The following ACOX2 variants were observed in gnomAD, a reference collection of about 807,000 sequenced individuals.
ACOX2 encodes the protein peroxisomal acyl-coenzyme A oxidase 2.
Under a neutral mutation model 77.5 loss-of-function variants are expected in ACOX2, and 59 were observed. The observed-to-expected ratio is 0.76, with a 90% CI of 0.62 to 0.95. The LOEUF (loss-of-function observed/expected upper bound fraction) is 0.95, where lower values mean the gene tolerates loss of function less well. Among genes scored for constraint, ACOX2 ranks in the 40% least tolerant of loss-of-function variants. The pLI, the probability that ACOX2 is intolerant of heterozygous loss-of-function variation, is 0.00. For missense variants in ACOX2, 837 were observed against 880.4 expected (o/e 0.95, Z 0.62); for synonymous variants, 317 against 340.1 (o/e 0.93, Z 0.75).
Position 58,534,490 on chromosome 3 carries a change from A to T in ACOX2, c.193T>A (p.Cys65Ser). The T allele has an allele frequency of 6.2e-7, 1 of 1,614,190 alleles. No individual in the cohort carries two copies. Among genetic ancestry groups the T allele is most frequent in the Non-Finnish European group, 8.5e-7 (1 of 1,180,040 alleles). The change falls in exon 3 of 15, where the codon TGT (cysteine) becomes AGT (serine). Residue 65 changes from cysteine (C) to serine (S), a missense_variant. By Grantham distance (112) the Cys-to-Ser change is moderately radical. Coordinates refer to ENST00000302819, the MANE Select transcript of ACOX2 (RefSeq NM_003500.4). This position sits in a 1 kb window ranked among gnomAD's most constrained non-coding sequence, Gnocchi z 4.8. ...SIIHSYPEFS[C>S]KDNYFMTQNE... ...TGGGTCATGAAATAATTGTCCTTAC[A>T]GCTAAACTCCGGGTAACTGTGGATG...
chr3:58,530,323 T>G, intron 8 of ACOX2, 143 bp downstream of exon 8: 1 of 1,229,704 alleles, frequency 8.1e-7, no homozygotes, highest in Non-Finnish European at 1.1e-6. Context: ...CTGGGTAGAT[T>G]TTGTGTTTGT....
At chr3:58,520,171 A>G (rs1452887421) in intron 12 of ACOX2, among the ~76,000 whole-genome samples, 1 of 152,216 alleles carries the variant, frequency 6.6e-6, no homozygotes, top group Non-Finnish European at 1.5e-5. Flanking sequence ...AGTTTTACTT[A>G]TTTAATCTTT....
In ACOX2 at chr3:58,512,575, A is replaced by G. The variant is rs1343481619; in HGVS notation, c.1851-3550T>C. On this transcript the variant is annotated intron_variant, in intron 13 of 14. Coordinates refer to ENST00000302819, the MANE Select transcript of ACOX2 (RefSeq NM_003500.4). The surrounding 1 kb of genome is among the most constrained non-coding windows in gnomAD (Gnocchi z 4.8). ...ACCGTCTCTTCCCACCCCCTACTGT[A>G]CTCCCTTAACTCTCTGCCCTCTGCC... Among the ~76,000 whole-genome samples the G allele has an allele frequency of 1.3e-5, 2 of 151,332 alleles. No individual in the cohort carries two copies. The highest frequency in any genetic ancestry group is 2.9e-5 in the Non-Finnish European group (2 of 67,890).
chr3:58,534,893 A>C lies in ACOX2; in HGVS notation c.160+54T>G, dbSNP rs879227377. Reference sequence around the variant, plus strand: ...GAACTGCTAATGAAGGACTCTTCTTACAAGAGAAGCATGGGGCATAAAACA... The same window carrying C: ...GAACTGCTAATGAAGGACTCTTCTTCCAAGAGAAGCATGGGGCATAAAACA... On this transcript the variant is annotated intron_variant, in intron 2 of 14. Coordinates refer to ENST00000302819, the MANE Select transcript of ACOX2 (RefSeq NM_003500.4). This position sits in a 1 kb window ranked among gnomAD's most constrained non-coding sequence, Gnocchi z 4.8. 10 of 1,609,294 alleles carry C rather than the reference A, an allele frequency of 6.2e-6. No individual in the cohort carries two copies. The African/African-American group carries it at 1.2e-4, about 19-fold the overall frequency.
At chr3:58,509,711 T>C (rs1470238753) in intron 13 of ACOX2, among the ~76,000 whole-genome samples, 1 of 145,236 alleles carries the variant, frequency 6.9e-6, no homozygotes, top group Non-Finnish European at 1.5e-5. Flanking sequence ...GCTCAAGCCA[T>C]TCTCCTGCCT....
At position 58,526,618 on chromosome 3, in the gene ACOX2, T is replaced by G; in HGVS notation, c.1194A>C (p.Ser398=). 1 of 1,614,188 alleles carries G rather than the reference T, an allele frequency of 6.2e-7. No homozygotes were observed. Among genetic ancestry groups the G allele is most frequent in the Non-Finnish European group, 8.5e-7 (1 of 1,180,024 alleles). Residue 398 remains serine, a synonymous_variant, in exon 10 of 15, where the codon TCA becomes TCC. Transcript: ENST00000302819. This position sits in a 1 kb window ranked among gnomAD's most constrained non-coding sequence, Gnocchi z 4.3. ...ALSTGMKAMM[S]EFCTQGAEMC... ...TCTCAGCTCCCTGGGTGCAGAATTCTGACATCATGGCCTTCATGCCCGTGC... is the reference window on the plus strand; with the variant it reads ...TCTCAGCTCCCTGGGTGCAGAATTCGGACATCATGGCCTTCATGCCCGTGC...
chr3:58,508,266 A>C (rs1238866396), intron 14 of ACOX2, among the ~76,000 whole-genome samples: 2 of 152,038 alleles, frequency 1.3e-5, no homozygotes, highest in Non-Finnish European at 2.9e-5. Context: ...AATGATGTAG[A>C]GTTCTGGTGT....
chr3:58,535,096 G>A lies in ACOX2; in HGVS notation c.11C>T (p.Pro4Leu), dbSNP rs763927047. MGSPVHRVSLGDTW... is the reference protein window; with the variant it reads MGSLVHRVSLGDTW... ...ATCCCCCAATGACACTCGGTGCACT[G>A]GGCTGCCCATCCTATCCTGGATCTG... Residue 4 changes from proline (P) to leucine (L), a missense_variant, in exon 2 of 15, where the codon CCA (proline) becomes CTA (leucine). Physicochemically the swap from Pro to Leu is moderately conservative, Grantham distance 98. Coordinates refer to ENST00000302819, the MANE Select transcript of ACOX2 (RefSeq NM_003500.4). This position sits in a 1 kb window ranked among gnomAD's most constrained non-coding sequence, Gnocchi z 4.8. 5 of 1,614,196 alleles carry A rather than the reference G, an allele frequency of 3.1e-6. No homozygotes were observed. Among genetic ancestry groups the A allele is most frequent in the Admixed American group, 1.7e-5 (1 of 60,030 alleles).
At chr3:58,518,552 G>GAA (rs1018226279) in intron 12 of ACOX2, among the ~76,000 whole-genome samples, 1 of 152,210 alleles carries the variant, frequency 6.6e-6, no homozygotes, top group African/African-American at 2.4e-5. Context: ...GTCAAGACAA[G>GAA]CACACACAAT....
chr3:58,521,266 C>A lies in ACOX2; in HGVS notation c.1632+1230G>T, dbSNP rs952598213. On this transcript the variant is annotated intron_variant, in intron 12 of 14. Transcript: ENST00000302819. This position sits in a 1 kb window ranked among gnomAD's most constrained non-coding sequence, Gnocchi z 4.8. Reference sequence around the variant, plus strand: ...TCACGTGGTGGTGCTCAACGTCCAGCCTGCCTGACCAGCCCTGTCCCACGA... The same window carrying A: ...TCACGTGGTGGTGCTCAACGTCCAGACTGCCTGACCAGCCCTGTCCCACGA... Among the ~76,000 whole-genome samples, 2 of 152,180 alleles carry A rather than the reference C, an allele frequency of 1.3e-5. No individual in the cohort carries two copies. The highest frequency in any genetic ancestry group is 3.9e-4 in the East Asian group (2 of 5,178).
chr3:58,532,821 A>G (rs771934227), intron 5 of ACOX2, among the ~76,000 whole-genome samples: 6 of 152,194 alleles, frequency 3.9e-5, no homozygotes, highest in African/African-American at 1.4e-4. Flanking sequence ...TGGGTCCCCA[A>G]GTGCCACAGA....
intron 1 of ACOX2, among the ~76,000 whole-genome samples, 166 bp downstream of exon 1, chr3:58,536,953 C>T (rs2063486133): frequency 1.3e-5 from 2 of 152,238 alleles, no homozygotes; most frequent in African/African-American, 4.8e-5. Flanking sequence ...ATCTTTGTCA[C>T]TGTCATGCCG....
At chr3:58,530,290 T>C (rs1363815801) in intron 8 of ACOX2, among the ~76,000 whole-genome samples, 176 bp downstream of exon 8, 1 of 152,190 alleles carries the variant, frequency 6.6e-6, no homozygotes, top group Non-Finnish European at 1.5e-5. Flanking sequence ...GAGACTCCTC[T>C]GACATGCCCA....
In ACOX2 at chr3:58,528,665, T is replaced by A. The variant is rs1309128369; in HGVS notation, c.1155+129A>T. ...TGCCGTTCACCCAGACGCCCTGGGATGCTGAAAGCTGGGAGAGGTGGGGGT... is the reference window on the plus strand; with the variant it reads ...TGCCGTTCACCCAGACGCCCTGGGAAGCTGAAAGCTGGGAGAGGTGGGGGT... On this transcript the variant is annotated intron_variant, in intron 9 of 14. Coordinates refer to ENST00000302819, the MANE Select transcript of ACOX2 (RefSeq NM_003500.4). The surrounding 1 kb of genome is among the most constrained non-coding windows in gnomAD (Gnocchi z 5.6). 1.5e-5 allele frequency: 18 copies of A among 1,227,136 alleles called. No individual in the cohort carries two copies. The allele number at this position is 1,227,136 out of a possible 1,614,324, so 76.0% of individuals were successfully genotyped here. A position where few individuals can be genotyped will look rare whatever the true frequency, so the allele number is the denominator to read the frequency against.
intron 12 of ACOX2, among the ~76,000 whole-genome samples, chr3:58,520,268 A>G (rs949545462): frequency 2.6e-5 from 4 of 152,090 alleles, no homozygotes; most frequent in African/African-American, 9.7e-5. Flanking sequence ...TTTTTTGCCC[A>G]AGGTCATGGC....
intron 12 of ACOX2, among the ~76,000 whole-genome samples, chr3:58,518,021 G>A (rs9883049): frequency 0.36 from 50,426 of 138,832 alleles, 9,098 homozygotes; most frequent in African/African-American, 0.49. Flanking sequence ...GTTGCAGTGA[G>A]CCAAAATCAT....
rs2063307148 is a variant in ACOX2, at chr3:58,514,306, T to G, written c.1850+2900A>C. Among the ~76,000 whole-genome samples the G allele has an allele frequency of 6.6e-6, 1 of 152,160 alleles. No homozygotes were observed. The highest frequency in any genetic ancestry group is 1.5e-5 in the Non-Finnish European group (1 of 68,044). On this transcript the variant is annotated intron_variant, in intron 13 of 14. Coordinates refer to ENST00000302819, the MANE Select transcript of ACOX2 (RefSeq NM_003500.4). The surrounding 1 kb of genome is among the most constrained non-coding windows in gnomAD (Gnocchi z 4.3). ...TGTGGGTTTATGCCTTTTAAAAAAT[T>G]TCAGTCCATTCACTGATGTTTTAGT...
In ACOX2 at chr3:58,535,239, G is replaced by C; in HGVS notation, c.-91-42C>G. 1 of 1,165,034 alleles carries C rather than the reference G, an allele frequency of 8.6e-7. No individual in the cohort carries two copies. The highest frequency in any genetic ancestry group is 1.2e-6 in the Non-Finnish European group (1 of 807,456). 72.2% of individuals were successfully genotyped at this position (1,165,034 alleles called of 1,614,324 possible). ...CTGCCTAGGGCTGGGTGTCAGCCAG[G>C]GCTGGTTGGTAGAAGAAAGACATCC... On this transcript the variant is annotated intron_variant, in intron 1 of 14. Transcript: ENST00000302819. The surrounding 1 kb of genome is among the most constrained non-coding windows in gnomAD (Gnocchi z 4.8).
rs2063454766 is a variant in ACOX2 at position 58,533,334 on chromosome 3, A to G, written c.583+111T>C. 7.0e-6 allele frequency: 7 copies of G among 1,004,324 alleles called. No homozygotes were observed. Among genetic ancestry groups the G allele is most frequent in the Non-Finnish European group, 1.1e-5 (7 of 656,074 alleles). 62.2% of individuals were successfully genotyped at this position (1,004,324 alleles called of 1,614,324 possible). A position where few individuals can be genotyped will look rare whatever the true frequency, so the allele number is the denominator to read the frequency against. ...CTGACTTGCCCAAGGTCAGCAGCCT[A>G]GAACAGAAAATCAATCTGAGGTCTG... On this transcript the variant is annotated intron_variant, in intron 5 of 14. Transcript: ENST00000302819. This position sits in a 1 kb window ranked among gnomAD's most constrained non-coding sequence, Gnocchi z 5.6.
Sources: gnomAD v4.1 joint callset for allele counts (sites outside exome capture counted in the v4.1 genomes callset) on GRCh38, gnomAD v4.1.1 for gene constraint, Gnocchi (gnomAD v3.1) non-coding constraint, MANE v1.5 for transcripts, NCBI Gene and HGNC (gene_info 2026-07-23, HGNC 2026-07-21) for gene names.